Variants in MACROD2 observed in about 807,000 individuals in gnomAD.
MACROD2 encodes mono-ADP ribosylhydrolase 2, also known as ADP-ribose glycohydrolase MACROD2.
MACROD2 carries 36 observed loss-of-function variants against 70.4 expected under a neutral mutation model. The observed-to-expected ratio is 0.51, with a 90% CI of 0.39 to 0.68. The LOEUF (loss-of-function observed/expected upper bound fraction) is 0.68, where lower values mean the gene tolerates loss of function less well. Ranked by LOEUF, MACROD2 falls within the 30% of genes least tolerant of loss-of-function variation. The pLI is 0.00. For synonymous variants in MACROD2, 172 were observed against 178.8 expected (o/e 0.96, Z 0.30); for missense variants, 496 against 538.4 (o/e 0.92, Z 0.78).
intron 5 of MACROD2, among the ~76,000 whole-genome samples, chr20:14,839,285 C>A (rs1008423091): frequency 6.6e-6 from 1 of 152,042 alleles, no homozygotes; most frequent in African/African-American, 2.4e-5. Context: ...ATTTTGAACT[C>A]CTTTTAGCTT....
chr20:14,597,901 A>C (rs781564898), intron 4 of MACROD2, among the ~76,000 whole-genome samples: 1 of 152,086 alleles, frequency 6.6e-6, no homozygotes, highest in Non-Finnish European at 1.5e-5. Flanking sequence ...GGTGCTGTTG[A>C]TTGAACTTCT....
chr20:14,816,921 T>G (rs2072780527), intron 5 of MACROD2, among the ~76,000 whole-genome samples: 1 of 152,072 alleles, frequency 6.6e-6, no homozygotes, highest in Non-Finnish European at 1.5e-5. Context: ...CAAGAGTAGC[T>G]ACATAGAATC....
At chr20:15,314,072 A>T (rs2077782626) in intron 6 of MACROD2, among the ~76,000 whole-genome samples, 3 of 152,158 alleles carry the variant, frequency 2.0e-5, no homozygotes, top group Non-Finnish European at 4.4e-5. Context: ...AAGGTAAAAT[A>T]TCATTAGGAC....
chr20:15,154,388 A>G (rs1283618639), intron 5 of MACROD2, among the ~76,000 whole-genome samples: 1 of 152,226 alleles, frequency 6.6e-6, no homozygotes, highest in Non-Finnish European at 1.5e-5. Context: ...GGTCTGGCTT[A>G]TCCAACTGGA....
At chr20:14,943,915 A>G (rs543606261) in intron 5 of MACROD2, among the ~76,000 whole-genome samples, 156 of 152,206 alleles carry the variant, frequency 1.0e-3, no homozygotes, top group East Asian at 5.8e-4. Context: ...TTTTGTTACA[A>G]GAGGATATGT....
rs868355014 is a variant in MACROD2, at chr20:14,254,005, G to A, written c.271+168277G>A. Among the ~76,000 whole-genome samples the A allele has an allele frequency of 1.7e-3, 263 of 151,894 alleles. 1 individual carries two copies. The highest frequency in any genetic ancestry group is 5.9e-3 in the African/African-American group (246 of 41,440). ...AAAGCAAATAGATTTCTAAATGCCT[G>A]ATAATTTAAAACAAAATTAATACAA... On this transcript the variant is annotated intron_variant, in intron 3 of 17. Transcript: ENST00000684519.
At chr20:15,788,631 G>A (rs1234528072) in intron 8 of MACROD2, among the ~76,000 whole-genome samples, 1 of 152,130 alleles carries the variant, frequency 6.6e-6, no homozygotes, top group Non-Finnish European at 1.5e-5. Context: ...TTGACATTTT[G>A]CAGATATAGT....
chr20:14,578,781 C>T (rs1980787227), intron 4 of MACROD2, among the ~76,000 whole-genome samples: 1 of 152,136 alleles, frequency 6.6e-6, no homozygotes, highest in Admixed American at 6.5e-5. Flanking sequence ...GGTAAATTCA[C>T]CGAAACCTAA....
At chr20:15,450,687 A>G (rs2046629208) in intron 7 of MACROD2, among the ~76,000 whole-genome samples, 1 of 152,098 alleles carries the variant, frequency 6.6e-6, no homozygotes, top group Non-Finnish European at 1.5e-5. Flanking sequence ...TGCTTCATCT[A>G]TTTCTTGCAA....
intron 8 of MACROD2, among the ~76,000 whole-genome samples, chr20:15,829,425 G>A (rs971665608): frequency 6.6e-6 from 1 of 152,018 alleles, no homozygotes; most frequent in Admixed American, 6.6e-5. Context: ...GGAAAACATG[G>A]ATCTAAAAAC....
chr20:15,278,212 C>A (rs1296082734), intron 6 of MACROD2, among the ~76,000 whole-genome samples: 2 of 152,164 alleles, frequency 1.3e-5, no homozygotes, highest in African/African-American at 4.8e-5. Flanking sequence ...GCCCCTGAGT[C>A]ATACCCAGAA....
At chr20:15,991,766 T>C (rs2147481159) in intron 15 of MACROD2, among the ~76,000 whole-genome samples, 1 of 152,330 alleles carries the variant, frequency 6.6e-6, no homozygotes, top group East Asian at 1.9e-4. Flanking sequence ...TACCATTTGT[T>C]TTCTTCTTTT....
intron 7 of MACROD2, among the ~76,000 whole-genome samples, chr20:15,441,285 C>T (rs1366458429): frequency 6.6e-6 from 1 of 152,138 alleles, no homozygotes; most frequent in Admixed American, 6.6e-5. Context: ...ATTAAAATGA[C>T]ATCAAACTAA....
At position 14,687,007 on chromosome 20, in the gene MACROD2, G is replaced by A. The variant is rs116609584; in HGVS notation, c.418+2048G>A. The stretch of plus-strand genomic sequence containing the variant: ...CAGAGGTCATGATCTGGGTATTAAC[G>A]GTGATTTCTCTCTCCAGAATCATAT... On this transcript the variant is annotated intron_variant, in intron 5 of 17. Coordinates refer to ENST00000684519, the MANE Select transcript of MACROD2 (RefSeq NM_001351661.2). 4.7e-3 allele frequency among the ~76,000 whole-genome samples: 720 copies of A among 152,096 alleles called. 4 individuals carry two copies. The highest frequency in any genetic ancestry group is 0.017 in the African/African-American group (691 of 41,494).
intron 4 of MACROD2, among the ~76,000 whole-genome samples, chr20:14,644,842 G>C (rs6042835): frequency 0.028 from 4,266 of 152,116 alleles, 210 homozygotes; most frequent in African/African-American, 0.098. Context: ...TGTGAACTTG[G>C]AGTGGGTAAC....
intron 5 of MACROD2, among the ~76,000 whole-genome samples, chr20:15,213,593 G>T (rs1428443871): frequency 6.6e-6 from 1 of 152,124 alleles, no homozygotes; most frequent in African/African-American, 2.4e-5. Context: ...TAAAGGTGAA[G>T]GAAGGCCAAT....
intron 2 of MACROD2, among the ~76,000 whole-genome samples, chr20:14,075,644 T>C (rs1314719951): frequency 6.6e-6 from 1 of 152,198 alleles, no homozygotes; most frequent in Admixed American, 6.5e-5. Flanking sequence ...TTGAATCTTT[T>C]GATGTTTCCC....
At chr20:15,122,532 G>A (rs1478784731) in intron 5 of MACROD2, among the ~76,000 whole-genome samples, 1 of 152,188 alleles carries the variant, frequency 6.6e-6, no homozygotes, top group Non-Finnish European at 1.5e-5. Context: ...TGATTAAATA[G>A]CATTGGAGGA....
intron 5 of MACROD2, among the ~76,000 whole-genome samples, chr20:14,914,178 G>A (rs1413455398): frequency 1.3e-5 from 2 of 152,158 alleles, no homozygotes; most frequent in African/African-American, 4.8e-5. Context: ...GAGGAAACAT[G>A]TGAGGAATTT....
Sources: gnomAD v4.1 joint callset for allele counts (sites outside exome capture counted in the v4.1 genomes callset) on GRCh38, gnomAD v4.1.1 for gene constraint, MANE v1.5 for transcripts, NCBI Gene and HGNC (gene_info 2026-07-23, HGNC 2026-07-21) for gene names.